The following KCNN3 variants were observed in gnomAD, a reference collection of about 807,000 sequenced individuals.
KCNN3 encodes the protein potassium calcium-activated channel subfamily N member 3.
Under a neutral mutation model 62.9 loss-of-function variants are expected in KCNN3, and 16 were observed. The observed-to-expected ratio is 0.25, with a 90% CI of 0.17 to 0.39. The LOEUF is 0.39. Ranked by LOEUF, KCNN3 falls within the 10% of genes least tolerant of loss-of-function variation. The pLI, the probability that KCNN3 is intolerant of heterozygous loss-of-function variation, is 1.00. For synonymous variants in KCNN3, 370 were observed against 389.2 expected (o/e 0.95, Z 0.58); for missense variants, 599 against 949.4 (o/e 0.63, Z 4.85).
chr1:154,862,092 G>A lies in KCNN3; in HGVS notation c.933+6940C>T, dbSNP rs528299117. Among the ~76,000 whole-genome samples, 7 of 152,284 alleles carry A rather than the reference G, an allele frequency of 4.6e-5. No individual in the cohort carries two copies. Among genetic ancestry groups the A allele is most frequent in the South Asian group, 4.1e-4 (2 of 4,830 alleles). On this transcript the variant is annotated intron_variant, in intron 1 of 7. Transcript: ENST00000271915. The surrounding 1 kb of genome is among the most constrained non-coding windows in gnomAD (Gnocchi z 4.1). ...AGAACCAGGAATGGAGAAGCCCTTC[G>A]AGGTCCCTCACTCAAATCCCCAGCA...
In KCNN3 at chr1:154,868,171, G is replaced by A. The variant is rs1016384398; in HGVS notation, c.933+861C>T. ...GCTGGGGCGCGGGCTTGTGGGGACC[G>A]CCTGGGAAGCCCTGTCATCCCGTCC... On this transcript the variant is annotated intron_variant, in intron 1 of 7. Transcript: ENST00000271915. 1.3e-4 allele frequency: 126 copies of A among 985,516 alleles called. No individual in the cohort carries two copies. In the East Asian group the frequency reaches 2.7e-3, roughly 21 times the overall value. The allele number at this position is 985,516 out of a possible 1,614,324, so 61.0% of individuals were successfully genotyped here. A position where few individuals can be genotyped will look rare whatever the true frequency, so the allele number is the denominator to read the frequency against.
intron 1 of KCNN3, among the ~76,000 whole-genome samples, chr1:154,856,154 T>C (rs1027479154): frequency 6.6e-6 from 1 of 152,210 alleles, no homozygotes; most frequent in Non-Finnish European, 1.5e-5. Flanking sequence ...CACAGCTACT[T>C]ACATTATAGT....
intron 1 of KCNN3, among the ~76,000 whole-genome samples, chr1:154,851,316 C>A (rs1652291727): frequency 6.6e-6 from 1 of 152,162 alleles, no homozygotes; most frequent in Non-Finnish European, 1.5e-5. Context: ...TCGAACAGAC[C>A]TCTGGAAGGT....
chr1:154,846,877 C>A (rs1558005324), intron 1 of KCNN3, among the ~76,000 whole-genome samples: 2 of 152,188 alleles, frequency 1.3e-5, no homozygotes, highest in Non-Finnish European at 2.9e-5. Context: ...TCCATCTAGA[C>A]CTATCACTAT....
intron 1 of KCNN3, 135 bp from the exon 2 acceptor site, chr1:154,822,319 G>A (rs1650935832): frequency 1.4e-6 from 1 of 735,156 alleles, no homozygotes. Flanking sequence ...AGCAGGTGTA[G>A]CACAAAGTCA....
At chr1:154,825,943 G>A (rs889625207) in intron 1 of KCNN3, among the ~76,000 whole-genome samples, 5 of 151,568 alleles carry the variant, frequency 3.3e-5, no homozygotes, top group African/African-American at 1.2e-4. Context: ...AGCTACTCGG[G>A]AGACTGAGGC....
chr1:154,817,810 C>G (rs1414025095), intron 2 of KCNN3, among the ~76,000 whole-genome samples: 2 of 152,172 alleles, frequency 1.3e-5, no homozygotes, highest in Non-Finnish European at 2.9e-5. Flanking sequence ...GGGCTCCTGT[C>G]CTGGGCTCTG....
At chr1:154,866,271 CAG>C (rs1166617717) in intron 1 of KCNN3, among the ~76,000 whole-genome samples, 5 of 152,186 alleles carry the variant, frequency 3.3e-5, no homozygotes, top group Non-Finnish European at 7.3e-5. Flanking sequence ...ATTTTACAGC[CAG>C]AGTTAGATAA....
chr1:154,801,840 C>T (rs1465607064), intron 2 of KCNN3, among the ~76,000 whole-genome samples: 5 of 152,158 alleles, frequency 3.3e-5, no homozygotes, highest in African/African-American at 1.2e-4. Context: ...CTCCGGGGCT[C>T]TGTTTGCTGA....
intron 3 of KCNN3, among the ~76,000 whole-genome samples, chr1:154,766,616 C>A (rs1648301969): frequency 6.7e-6 from 1 of 149,346 alleles, no homozygotes; most frequent in African/African-American, 2.5e-5. Context: ...TTGCAGGCTT[C>A]CATCAACCCC....
At position 154,787,403 on chromosome 1, in the gene KCNN3, G is replaced by A. The variant is rs1021490644; in HGVS notation, c.1030-15010C>T. On this transcript the variant is annotated intron_variant, in intron 2 of 7. Coordinates refer to ENST00000271915, the MANE Select transcript of KCNN3 (RefSeq NM_002249.6). ...CCACAGCGACTGCTGCTGGTGAGAG[G>A]TCACTGCGGATCTGGCCTCAGCGTG... Among the ~76,000 whole-genome samples the A allele has an allele frequency of 3.0e-4, 46 of 152,354 alleles. No individual in the cohort carries two copies. The Middle Eastern group carries it at 0.01, about 34-fold the overall frequency.
Position 154,720,009 on chromosome 1 carries a change from G to C in KCNN3, c.1702-5006C>G, listed in dbSNP as rs114088514. Among the ~76,000 whole-genome samples the C allele has an allele frequency of 4.6e-3, 707 of 152,316 alleles. 7 individuals carry two copies. Among genetic ancestry groups the C allele is most frequent in the African/African-American group, 0.016 (684 of 41,558 alleles). ...TTCTCCCTGTAGCAATATGGTAATG[G>C]GTGGTGGATAATTCTATAATGCTAT... On this transcript the variant is annotated intron_variant, in intron 5 of 7. Transcript: ENST00000271915.
intron 1 of KCNN3, among the ~76,000 whole-genome samples, chr1:154,824,965 C>T (rs1651047114): frequency 6.6e-6 from 1 of 152,198 alleles, no homozygotes; most frequent in Non-Finnish European, 1.5e-5. Context: ...TCTTTGCATT[C>T]TCCATCGCAT....
chr1:154,765,294 T>TTA (rs3058681), intron 3 of KCNN3, among the ~76,000 whole-genome samples: 112,714 of 151,892 alleles, frequency 0.74, 42,576 homozygotes, highest in Admixed American at 0.85. Context: ...TTTATCCAAA[T>TTA]TTATCATTTC....
chr1:154,832,434 A>G (rs953319277), intron 1 of KCNN3, among the ~76,000 whole-genome samples: 3 of 151,976 alleles, frequency 2.0e-5, no homozygotes, highest in Non-Finnish European at 2.9e-5. Context: ...CCTGGCATCC[A>G]GGGTGTACAG....
intron 3 of KCNN3, among the ~76,000 whole-genome samples, chr1:154,768,782 G>T (rs1290758107): frequency 6.6e-6 from 1 of 152,088 alleles, no homozygotes; most frequent in Non-Finnish European, 1.5e-5. Context: ...GGATGTGTTT[G>T]AATTGGACAT....
intron 2 of KCNN3, among the ~76,000 whole-genome samples, chr1:154,790,973 A>AGCCACTTCCATCACACTGG (rs1649489284): frequency 6.6e-6 from 1 of 152,188 alleles, no homozygotes; most frequent in African/African-American, 2.4e-5. Flanking sequence ...TCACGCCTGT[A>AGCCACTTCCATCACACTGG]ATCCCAGCAC....
intron 3 of KCNN3, among the ~76,000 whole-genome samples, chr1:154,734,504 C>T (rs191182294): frequency 4.5e-4 from 69 of 152,330 alleles, no homozygotes; most frequent in Non-Finnish European, 7.8e-4. Context: ...GATTCGCTGC[C>T]GTCATCAGGA....
At chr1:154,717,354 TC>T (rs1571206841) in intron 5 of KCNN3, among the ~76,000 whole-genome samples, 1 of 152,144 alleles carries the variant, frequency 6.6e-6, no homozygotes, top group East Asian at 1.9e-4. Flanking sequence ...ATTATCTAGC[TC>T]AAACCCCTCA....
Sources: gnomAD v4.1 joint callset for allele counts (sites outside exome capture counted in the v4.1 genomes callset) on GRCh38, gnomAD v4.1.1 for gene constraint, Gnocchi (gnomAD v3.1) non-coding constraint, MANE v1.5 for transcripts, NCBI Gene and HGNC (gene_info 2026-07-23, HGNC 2026-07-21) for gene names.